The following SEC14L1 variants were observed in gnomAD, a reference collection of about 807,000 sequenced individuals.
SEC14L1 encodes the protein SEC14-like protein 1.
In SEC14L1, 48 loss-of-function variants were observed where a neutral mutation model predicts 85.3. The ratio of observed to expected loss-of-function variants is 0.56; its 90% confidence interval spans 0.45 to 0.72. SEC14L1 has a LOEUF of 0.72. Among genes scored for constraint, SEC14L1 ranks in the 30% least tolerant of loss-of-function variants. The pLI, the probability that SEC14L1 is intolerant of heterozygous loss-of-function variation, is 0.00. For missense variants in SEC14L1, 682 were observed against 921.4 expected (o/e 0.74, Z 3.36); for synonymous variants, 391 against 355.5 (o/e 1.10, Z -1.12).
At chr17:77,193,040 A>G (rs755967104) in intron 5 of SEC14L1, among the ~76,000 whole-genome samples, 12 of 151,992 alleles carry the variant, frequency 7.9e-5, no homozygotes, top group Non-Finnish European at 1.8e-4. Context: ...TTCCTTGCAT[A>G]CTGTGTTTCT....
At chr17:77,188,723 C>G (rs1306693603) in intron 3 of SEC14L1, among the ~76,000 whole-genome samples, 1 of 152,136 alleles carries the variant, frequency 6.6e-6, no homozygotes, top group African/African-American at 2.4e-5. Flanking sequence ...TACCTGTTTT[C>G]TGGAGTGGTT....
In SEC14L1 at chr17:77,215,352, G is replaced by A. The variant is rs1976985550; in HGVS notation, c.*1329G>A. 2 of 985,312 alleles carry A rather than the reference G, an allele frequency of 2.0e-6. No individual in the cohort carries two copies. The highest frequency in any genetic ancestry group is 1.7e-5 in the African/African-American group (1 of 57,206). The allele number at this position is 985,312 out of a possible 1,614,324, so 61.0% of individuals were successfully genotyped here. ...CCTCCACGATAAGGACATGCAACAC[G>A]TGTTTCTGTGTGCAGCAGAGGCCGT... On this transcript the variant is annotated 3_prime_UTR_variant, in exon 17 of 17. Coordinates refer to ENST00000436233, the MANE Select transcript of SEC14L1 (RefSeq NM_001143998.2).
chr17:77,129,232 C>T (rs1972543976), intron 3 of SEC14L1, among the ~76,000 whole-genome samples: 1 of 152,062 alleles, frequency 6.6e-6, no homozygotes. Context: ...TTTTCTTATC[C>T]AAGCTTAACA....
At chr17:77,170,203 TAAG>T (rs1974464140) in intron 3 of SEC14L1, among the ~76,000 whole-genome samples, 1 of 152,152 alleles carries the variant, frequency 6.6e-6, no homozygotes, top group African/African-American at 2.4e-5. Context: ...GAAAGGAAGC[TAAG>T]AAGGAAGAGA....
chr17:77,126,829 C>A (rs777724727), intron 3 of SEC14L1, among the ~76,000 whole-genome samples: 71 of 152,276 alleles, frequency 4.7e-4, no homozygotes, highest in Non-Finnish European at 9.4e-4. Flanking sequence ...GGAGTGGGCA[C>A]CCTCGGGGTC....
At chr17:77,112,105 G>A (rs1243237781) in intron 3 of SEC14L1, among the ~76,000 whole-genome samples, 2 of 152,124 alleles carry the variant, frequency 1.3e-5, no homozygotes, top group East Asian at 3.9e-4. Flanking sequence ...GAGATCTGAT[G>A]GTTTTATAAG....
At chr17:77,178,804 C>T (rs1327747390) in intron 3 of SEC14L1, among the ~76,000 whole-genome samples, 1 of 152,180 alleles carries the variant, frequency 6.6e-6, no homozygotes, top group Non-Finnish European at 1.5e-5. Context: ...ACGCCGGCAG[C>T]GTGGCCACGT....
chr17:77,209,193 CAG>C (rs1241049472), intron 13 of SEC14L1, 147 bp from the exon 14 acceptor site: 6 of 810,558 alleles, frequency 7.4e-6, no homozygotes, highest in South Asian at 5.6e-5. Flanking sequence ...CTCAGTAGTG[CAG>C]AGTGTTTTAC....
intron 3 of SEC14L1, among the ~76,000 whole-genome samples, chr17:77,174,040 A>G (rs140368331): frequency 0.012 from 1,834 of 152,186 alleles, 22 homozygotes; most frequent in South Asian, 0.046. Flanking sequence ...AGCTGGGACT[A>G]CAGGCACACA....
chr17:77,166,634 G>A (rs775837119), intron 3 of SEC14L1, among the ~76,000 whole-genome samples: 1 of 152,178 alleles, frequency 6.6e-6, no homozygotes, highest in Non-Finnish European at 1.5e-5. Context: ...GAGGTCAGGA[G>A]TTCAAGACCA....
chr17:77,117,074 G>A lies in SEC14L1; in HGVS notation c.-136+23727G>A, dbSNP rs148602377. Among the ~76,000 whole-genome samples, 501 of 152,324 alleles carry A rather than the reference G, an allele frequency of 3.3e-3. 5 individuals carry two copies. Among genetic ancestry groups the A allele is most frequent in the African/African-American group, 0.011 (472 of 41,560 alleles). ...CAGTAAATGCAATGGAAGGCCGGGC[G>A]CAGTGGCTCATGCCTGTAATCCCAG... On this transcript the variant is annotated intron_variant, in intron 3 of 19. Coordinates refer to the SEC14L1 transcript ENST00000392476.
At position 77,216,838 on chromosome 17, in the gene SEC14L1, A is replaced by G. The variant is rs1977124889; in HGVS notation, c.*2815A>G. 1 of 492,330 alleles carries G rather than the reference A, an allele frequency of 2.0e-6. No homozygotes were observed. Among genetic ancestry groups the G allele is most frequent in the Admixed American group, 3.9e-5 (1 of 25,902 alleles). 30.5% of individuals were successfully genotyped at this position (492,330 alleles called of 1,614,324 possible). ...ATTCTGGGGCAGCTATGGTTTGAGT[A>G]TGCAGTTTGCATCGTGTTTCTACCT... On this transcript the variant is annotated 3_prime_UTR_variant, in exon 17 of 17. Transcript: ENST00000436233.
intron 3 of SEC14L1, among the ~76,000 whole-genome samples, chr17:77,106,572 G>A (rs188427106): frequency 3.3e-5 from 5 of 151,632 alleles, no homozygotes; most frequent in Non-Finnish European, 7.4e-5. Flanking sequence ...AGGCTGAGGC[G>A]GGTGGATCAC....
At chr17:77,181,695 C>CTCA (rs1975046852) in intron 3 of SEC14L1, among the ~76,000 whole-genome samples, 1 of 152,178 alleles carries the variant, frequency 6.6e-6, no homozygotes, top group Non-Finnish European at 1.5e-5. Context: ...GGGTTACAGG[C>CTCA]GTGAGCCACC....
At chr17:77,195,965 A>G (rs1412918947) in intron 7 of SEC14L1, among the ~76,000 whole-genome samples, 1 of 152,198 alleles carries the variant, frequency 6.6e-6, no homozygotes, top group Non-Finnish European at 1.5e-5. Context: ...GAGGTAACTC[A>G]GTGGTAATCA....
intron 3 of SEC14L1, among the ~76,000 whole-genome samples, chr17:77,124,991 AT>A (rs1972400587): frequency 4.1e-5 from 3 of 74,018 alleles, no homozygotes; most frequent in African/African-American, 1.2e-4. Flanking sequence ...TATTATTATT[AT>A]TATTATTTTT....
At chr17:77,198,305 T>A (rs955222) in intron 8 of SEC14L1, among the ~76,000 whole-genome samples, 3 of 152,020 alleles carry the variant, frequency 2.0e-5, no homozygotes, top group Admixed American at 2.0e-4. Context: ...AATAGAGTCA[T>A]ATGGCCAGTT....
chr17:77,183,947 G>A lies in SEC14L1; in HGVS notation c.64-6856G>A, dbSNP rs145267484. On this transcript the variant is annotated intron_variant, in intron 3 of 16. Coordinates refer to ENST00000436233, the MANE Select transcript of SEC14L1 (RefSeq NM_001143998.2). ...ATTATAGGCATGCGCCACCACGCCC[G>A]GCTAATTTTTGTATTTTTAGTAGAA... Among the ~76,000 whole-genome samples the A allele has an allele frequency of 2.6e-3, 396 of 152,122 alleles. 3 individuals carry two copies. The highest frequency in any genetic ancestry group is 4.4e-3 in the Non-Finnish European group (297 of 67,992).
chr17:77,125,766 C>T (rs892458877), intron 3 of SEC14L1, among the ~76,000 whole-genome samples: 1 of 152,168 alleles, frequency 6.6e-6, no homozygotes, highest in Non-Finnish European at 1.5e-5. Context: ...TGCTTGCCAC[C>T]AATAGGCTTT....
Sources: gnomAD v4.1 joint callset for allele counts (sites outside exome capture counted in the v4.1 genomes callset) on GRCh38, gnomAD v4.1.1 for gene constraint, MANE v1.5 for transcripts, NCBI Gene and HGNC (gene_info 2026-07-23, HGNC 2026-07-21) for gene names.